CPVL: variants seen among roughly 807,000 people sequenced by gnomAD.
The protein encoded by CPVL is carboxypeptidase vitellogenic like.
A neutral mutation model predicts 63.7 loss-of-function variants in CPVL; 51 were observed. That is an observed-to-expected ratio of 0.80 (90% CI 0.64 to 1.01). The LOEUF is 1.01. CPVL is among the 50% of genes least tolerant of loss of function. The pLI, the probability that CPVL is intolerant of heterozygous loss-of-function variation, is 0.00. For synonymous variants in CPVL, 195 were observed against 206.0 expected, an observed-to-expected ratio of 0.95 and a Z score of 0.46; for missense variants, 530 against 573.1, an observed-to-expected ratio of 0.92 and a Z score of 0.77.
In CPVL at chr7:29,096,098, C is replaced by A. The variant is rs1469785015; in HGVS notation, c.403+5G>T. 1 of 1,608,016 alleles carries A rather than the reference C, an allele frequency of 6.2e-7. No homozygotes were observed. The highest frequency in any genetic ancestry group is 1.7e-5 in the Admixed American group (1 of 60,022). ...TATAGGAAATACAGTGCAAGGGATA[C>A]TTACAGGTCATGTTACTTGTGACAA... On this transcript the variant is annotated splice_donor_5th_base_variant and intron_variant, in intron 4 of 12. Transcript: ENST00000265394.
intron 1 of CPVL, among the ~76,000 whole-genome samples, chr7:29,141,623 ACT>A (rs1791889353): frequency 6.6e-6 from 1 of 151,342 alleles, no homozygotes; most frequent in South Asian, 2.1e-4. Flanking sequence ...CCACTTAAAA[ACT>A]CTGTACCTTG....
At chr7:29,186,489 T>G (rs928402213) in exon 2 of CPVL, 6 of 151,614 alleles carry the variant, frequency 4.0e-5, no homozygotes, top group African/African-American at 1.5e-4. Flanking sequence ...GGAGGATGGA[T>G]TAAGCCCAGG....
chr7:29,145,328 C>T (rs245874), intron 1 of CPVL, among the ~76,000 whole-genome samples: 87,744 of 151,512 alleles, frequency 0.58, 25,675 homozygotes, highest in East Asian at 0.69. Flanking sequence ...TACTGAGGGG[C>T]TCCTTTTTCA....
At chr7:29,123,597 GAAAAAAAAAAAAAAA>G (rs778757980) in intron 1 of CPVL, among the ~76,000 whole-genome samples, 11 of 41,242 alleles carry the variant, frequency 2.7e-4, no homozygotes, top group South Asian at 1.4e-3. Context: ...AACTGGTTCA[GAAAAAAAAAAAAAAA>G]AAAAAAAAAA....
chr7:29,066,494 AGAG>A (rs1254230234), intron 9 of CPVL, among the ~76,000 whole-genome samples: 8 of 152,262 alleles, frequency 5.3e-5, no homozygotes, highest in African/African-American at 1.9e-4. Context: ...GACAATGTAG[AGAG>A]GAGGTCACAG....
intron 9 of CPVL, among the ~76,000 whole-genome samples, chr7:29,070,195 T>C (rs1410211280): frequency 6.6e-6 from 1 of 152,224 alleles, no homozygotes; most frequent in Non-Finnish European, 1.5e-5. Context: ...TTCTGACGTA[T>C]CCGGTTTGGG....
intron 3 of CPVL, among the ~76,000 whole-genome samples, chr7:29,099,636 T>C (rs2128616112): frequency 6.6e-6 from 1 of 152,274 alleles, no homozygotes; most frequent in African/African-American, 2.4e-5. Flanking sequence ...CACCTGAACC[T>C]GGGAGGCAGA....
intron 3 of CPVL, among the ~76,000 whole-genome samples, chr7:29,099,960 C>G (rs323201): frequency 6.6e-6 from 1 of 151,826 alleles, no homozygotes; most frequent in Non-Finnish European, 1.5e-5. Flanking sequence ...CTGTAAACTC[C>G]AATGTGCTGA....
intron 4 of CPVL, among the ~76,000 whole-genome samples, chr7:29,095,512 C>A (rs930951814): frequency 1.3e-5 from 2 of 151,506 alleles, no homozygotes; most frequent in Admixed American, 6.6e-5. Flanking sequence ...ACTACTTCAA[C>A]AAAACTGGCA....
chr7:29,191,495 G>A (rs1164920047), intron 1 of CPVL: 2 of 152,254 alleles, frequency 1.3e-5, no homozygotes, highest in Non-Finnish European at 2.9e-5. Flanking sequence ...CACCATGAAA[G>A]AGGGTTGCCT....
At chr7:29,151,891 G>C (rs245893) in intron 5 of CPVL, among the ~76,000 whole-genome samples, 85,215 of 152,142 alleles carry the variant, frequency 0.56, 24,704 homozygotes, top group African/African-American at 0.72. Context: ...ATAGCAAGCA[G>C]GTCATTCACT....
At chr7:29,120,073 C>T (rs576478588) in intron 2 of CPVL, among the ~76,000 whole-genome samples, 2 of 152,142 alleles carry the variant, frequency 1.3e-5, no homozygotes, top group African/African-American at 2.4e-5. Flanking sequence ...AATTCAACCC[C>T]GGCTAATTCT....
At chr7:29,137,282 G>A (rs1166377010) in intron 1 of CPVL, among the ~76,000 whole-genome samples, 1 of 152,150 alleles carries the variant, frequency 6.6e-6, no homozygotes. Flanking sequence ...CATCTGAATG[G>A]GAAATCTGGC....
intron 4 of CPVL, among the ~76,000 whole-genome samples, chr7:29,182,660 T>C (rs972797661): frequency 2.8e-4 from 42 of 152,292 alleles, no homozygotes; most frequent in African/African-American, 9.9e-4. Flanking sequence ...AAAATACAAA[T>C]TGAGTAAACC....
intron 12 of CPVL, among the ~76,000 whole-genome samples, chr7:29,000,777 C>A (rs989647490): frequency 6.6e-6 from 1 of 152,162 alleles, no homozygotes; most frequent in Admixed American, 6.5e-5. Flanking sequence ...TATATTCACA[C>A]TATCTTGTTG....
In CPVL at chr7:29,146,427, A is replaced by T. The variant is rs891316393; in HGVS notation, c.-11+2T>A. On this transcript the variant is annotated splice_donor_variant, in intron 1 of 12. Coordinates refer to ENST00000265394, the MANE Select transcript of CPVL (RefSeq NM_031311.5). LOFTEE classifies it low-confidence loss of function (5UTR_SPLICE). ...GACCCACGCAGGGCAGGCGGCACTTACGCGGCGCAGTCGGTGCTCCTCCCT... is the reference window on the plus strand; with the variant it reads ...GACCCACGCAGGGCAGGCGGCACTTTCGCGGCGCAGTCGGTGCTCCTCCCT... 3 of 1,153,502 alleles carry T rather than the reference A, an allele frequency of 2.6e-6. No individual in the cohort carries two copies. The highest frequency in any genetic ancestry group is 3.1e-5 in the African/African-American group (2 of 63,984). The allele number at this position is 1,153,502 out of a possible 1,614,324, so 71.5% of individuals were successfully genotyped here. A position where few individuals can be genotyped will look rare whatever the true frequency, so the allele number is the denominator to read the frequency against.
chr7:29,104,601 C>T (rs375606354), intron 3 of CPVL, among the ~76,000 whole-genome samples: 36 of 152,218 alleles, frequency 2.4e-4, no homozygotes, highest in African/African-American at 8.2e-4. Flanking sequence ...TGCATCATTC[C>T]GAAGCTCCTG....
intron 5 of CPVL, among the ~76,000 whole-genome samples, chr7:29,180,600 A>G (rs1797947897): frequency 6.6e-6 from 1 of 152,222 alleles, no homozygotes; most frequent in South Asian, 2.1e-4. Flanking sequence ...GTATAAATCA[A>G]ATTAAGGCAA....
chr7:29,053,675 C>T (rs759309781), intron 11 of CPVL, among the ~76,000 whole-genome samples: 48 of 151,982 alleles, frequency 3.2e-4, no homozygotes, highest in Non-Finnish European at 5.4e-4. Context: ...GTGATGGCTG[C>T]AGAGAAAATT....
Sources: allele counts gnomAD v4.1 joint callset (sites outside exome capture counted in the v4.1 genomes callset), GRCh38; gene constraint gnomAD v4.1.1; transcripts MANE v1.5; gene names NCBI Gene and HGNC (gene_info 2026-07-23, HGNC 2026-07-21).